Variants in MYT1 observed in about 807,000 individuals in gnomAD.
The protein encoded by MYT1 is myelin transcription factor 1, also known as myelin transcription factor I.
MYT1 carries 23 observed loss-of-function variants against 123.0 expected under a neutral mutation model. The observed-to-expected ratio is 0.19, with a 90% CI of 0.13 to 0.26. The LOEUF (loss-of-function observed/expected upper bound fraction) is 0.26, where lower values mean the gene tolerates loss of function less well. Ranked by LOEUF, MYT1 falls within the 10% of genes least tolerant of loss-of-function variation. The pLI, the probability that MYT1 is intolerant of heterozygous loss-of-function variation, is 1.00. For synonymous variants in MYT1, 518 were observed against 575.3 expected (o/e 0.90, Z 1.43); for missense variants, 1,125 against 1,472.5 (o/e 0.76, Z 3.86).
At chr20:64,195,354 C>CTG (rs5741790) in intron 2 of MYT1, among the ~76,000 whole-genome samples, 7,189 of 98,550 alleles carry the variant, frequency 0.073, 314 homozygotes, top group Middle Eastern at 0.1. Flanking sequence ...ATGGTGAGAA[C>CTG]TGTGTGTGTG....
chr20:64,214,661 C>T (rs866642141), intron 10 of MYT1, among the ~76,000 whole-genome samples: 2 of 152,220 alleles, frequency 1.3e-5, no homozygotes, highest in Non-Finnish European at 2.9e-5. Context: ...TCCCCACTCC[C>T]GTGAGGAACT....
intron 1 of MYT1, among the ~76,000 whole-genome samples, chr20:64,184,020 A>C (rs1010352746): frequency 6.6e-6 from 1 of 152,078 alleles, no homozygotes; most frequent in Non-Finnish European, 1.5e-5. Flanking sequence ...GGGCTTCACC[A>C]TGCTGGCCAG....
intron 1 of MYT1, among the ~76,000 whole-genome samples, chr20:64,172,695 G>A (rs1178694161): frequency 6.6e-6 from 1 of 151,710 alleles, no homozygotes; most frequent in African/African-American, 2.4e-5. Context: ...AAGATCCATG[G>A]GGAAGACGCC....
intron 10 of MYT1, among the ~76,000 whole-genome samples, chr20:64,215,797 C>G (rs1454600722): frequency 1.3e-5 from 2 of 150,042 alleles, no homozygotes; most frequent in African/African-American, 2.5e-5. Context: ...GAGGGTCTCA[C>G]TAGGTTGCCC....
Position 64,168,327 on chromosome 20 carries a change from T to C in MYT1, c.-99+3588T>C, listed in dbSNP as rs443252. Among the ~76,000 whole-genome samples, 148,275 of 152,348 alleles carry C rather than the reference T, an allele frequency of 0.97. 72,199 individuals are homozygous for C. The highest frequency in any genetic ancestry group is 1 in the East Asian group (5,194 of 5,194). ...GTTACTGGAACTAACCAGATACAAGTGTGGAGTCTTTTCTCCCCAGGGTTA... is the reference window on the plus strand; with the variant it reads ...GTTACTGGAACTAACCAGATACAAGCGTGGAGTCTTTTCTCCCCAGGGTTA... On this transcript the variant is annotated intron_variant, in intron 1 of 22. Coordinates refer to ENST00000328439, the MANE Select transcript of MYT1 (RefSeq NM_004535.3). The surrounding 1 kb of genome is among the most constrained non-coding windows in gnomAD (Gnocchi z 6.1).
Position 64,212,796 on chromosome 20 carries a change from AG to A in MYT1, c.1517+664del, listed in dbSNP as rs1006849997. 1.2e-4 allele frequency among the ~76,000 whole-genome samples: 18 copies of A among 151,464 alleles called. No homozygotes were observed. The highest frequency in any genetic ancestry group is 4.4e-5 in the Non-Finnish European group (3 of 67,860). ...AGTTGTTGACTGGTCTTCTATGGTG[AG>A]GGGGGACTACTCCTCCAGCCTTACC... On this transcript the variant is annotated intron_variant, in intron 9 of 22. Transcript: ENST00000328439. This position sits in a 1 kb window ranked among gnomAD's most constrained non-coding sequence, Gnocchi z 6.8.
rs578065956 is a variant in MYT1 at position 64,191,144 on chromosome 20, A to G, written c.-1+984A>G. On this transcript the variant is annotated intron_variant, in intron 2 of 22. Transcript: ENST00000328439. This position sits in a 1 kb window ranked among gnomAD's most constrained non-coding sequence, Gnocchi z 4.1. ...AGGCTGAGAATCCCTACAGGATCTG[A>G]CAGCAGAGATTGCTGGCAGGAGCTT... is the stretch of plus-strand genomic sequence containing the variant. Among the ~76,000 whole-genome samples, 1 of 152,330 alleles carries G rather than the reference A, an allele frequency of 6.6e-6. No homozygotes were observed. Among genetic ancestry groups the G allele is most frequent in the African/African-American group, 2.4e-5 (1 of 41,576 alleles).
intron 1 of MYT1, among the ~76,000 whole-genome samples, chr20:64,184,390 T>C (rs1213515326): frequency 6.6e-6 from 1 of 152,088 alleles, no homozygotes; most frequent in Non-Finnish European, 1.5e-5. Context: ...GACAGTTTTT[T>C]TCCCATTAAA....
chr20:64,228,616 C>T (rs1984237763), intron 18 of MYT1, among the ~76,000 whole-genome samples: 2 of 152,286 alleles, frequency 1.3e-5, no homozygotes, highest in South Asian at 2.1e-4. Context: ...TGAACCCTGA[C>T]TCTGTGTGTT....
chr20:64,216,441 T>A (rs572333386), intron 10 of MYT1, among the ~76,000 whole-genome samples: 195 of 152,350 alleles, frequency 1.3e-3, no homozygotes, highest in African/African-American at 4.5e-3. Context: ...TTGCAGTAGC[T>A]TTTTCGTGGC....
At chr20:64,195,370 GTGTGTGTGT>G in intron 2 of MYT1, among the ~76,000 whole-genome samples, 1 of 101,656 alleles carries the variant, frequency 9.8e-6, no homozygotes, top group African/African-American at 4.0e-5. Flanking sequence ...GTGTGTGTGT[GTGTGTGTGT>G]GTGTGTGTGT....
intron 1 of MYT1, among the ~76,000 whole-genome samples, chr20:64,172,741 C>CTTTTTTTTTTTTT (rs33943131): frequency 1.0e-5 from 1 of 95,548 alleles, no homozygotes; most frequent in Non-Finnish European, 2.0e-5. Flanking sequence ...GCCATACCCT[C>CTTTTTTTTTTTTT]TTTTTTTTTT....
At position 64,166,159 on chromosome 20, in the gene MYT1, A is replaced by G. The variant is rs1024759199; in HGVS notation, c.-99+1420A>G. 7.9e-5 allele frequency among the ~76,000 whole-genome samples: 12 copies of G among 152,320 alleles called. No individual in the cohort carries two copies. Among genetic ancestry groups the G allele is most frequent in the African/African-American group, 2.9e-4 (12 of 41,572 alleles). On this transcript the variant is annotated intron_variant, in intron 1 of 22. Transcript: ENST00000328439. This position sits in a 1 kb window ranked among gnomAD's most constrained non-coding sequence, Gnocchi z 4.9. ...ATATGGCCCTGTTAATTAACGGTAAACAAAAGAGTAAGAGAGCAGGGATTG... is the reference window on the plus strand; with the variant it reads ...ATATGGCCCTGTTAATTAACGGTAAGCAAAAGAGTAAGAGAGCAGGGATTG...
At position 64,219,930 on chromosome 20, in the gene MYT1, G is replaced by A. The variant is rs372769741; in HGVS notation, c.2189G>A (p.Arg730Gln). ...SQASRQDEWD[R>Q]PLDYTKPSRL... ...GCCTCCCGCCAGGACGAGTGGGACC[G>A]GCCCCTGGACTACACCAAGCCTAGC... The change falls in exon 13 of 23, where the codon CGG becomes CAG. Residue 730 changes from arginine to glutamine, a missense_variant. Transcript: ENST00000328439. 1.0e-4 allele frequency: 160 copies of A among 1,554,940 alleles called. 1 individual carries two copies. The highest frequency in any genetic ancestry group is 1.9e-4 in the East Asian group (8 of 41,208).
At chr20:64,211,580 C>T (rs926744275) in intron 8 of MYT1, among the ~76,000 whole-genome samples, 7 of 152,332 alleles carry the variant, frequency 4.6e-5, no homozygotes, top group South Asian at 2.1e-4. Context: ...GACGCCAGTC[C>T]GGGTCAGAGC....
chr20:64,214,283 G>A (rs916152653), intron 10 of MYT1, among the ~76,000 whole-genome samples: 3 of 151,934 alleles, frequency 2.0e-5, no homozygotes, highest in African/African-American at 2.4e-5. Flanking sequence ...TTACATGTGC[G>A]TGCAAGTCCA....
At position 64,213,689 on chromosome 20, in the gene MYT1, A is replaced by C. The variant is rs1568713510; in HGVS notation, c.1631+42A>C. 4 of 1,543,698 alleles carry C rather than the reference A, an allele frequency of 2.6e-6. No individual in the cohort carries two copies. The highest frequency in any genetic ancestry group is 1.7e-5 in the Admixed American group (1 of 59,562). On this transcript the variant is annotated intron_variant, in intron 10 of 22. Coordinates refer to ENST00000328439, the MANE Select transcript of MYT1 (RefSeq NM_004535.3). This position sits in a 1 kb window ranked among gnomAD's most constrained non-coding sequence, Gnocchi z 5.6. ...ACAGAACTGAAGAGGCTGCCTCCCA[A>C]ATGCCTGCAGAGGGCTTCTCAGTCT...
intron 6 of MYT1, among the ~76,000 whole-genome samples, chr20:64,206,751 C>A (rs1047558221): frequency 6.6e-6 from 1 of 152,184 alleles, no homozygotes; most frequent in African/African-American, 2.4e-5. Context: ...TCAAGAAGGG[C>A]GTCTGGGGTT....
chr20:64,218,453 G>A lies in MYT1; in HGVS notation c.1847-458G>A, dbSNP rs1276579398. ...TATGGGTACACCCTTTTGAGATCAT[G>A]GGACAAAATTTTCCTATTTGGGCGA... On this transcript the variant is annotated intron_variant, in intron 11 of 22. Coordinates refer to ENST00000328439, the MANE Select transcript of MYT1 (RefSeq NM_004535.3). This position sits in a 1 kb window ranked among gnomAD's most constrained non-coding sequence, Gnocchi z 4.0. Among the ~76,000 whole-genome samples, 2 of 152,170 alleles carry A rather than the reference G, an allele frequency of 1.3e-5. No individual in the cohort carries two copies. Among genetic ancestry groups the A allele is most frequent in the Non-Finnish European group, 2.9e-5 (2 of 68,040 alleles).
Sources: allele counts gnomAD v4.1 joint callset (sites outside exome capture counted in the v4.1 genomes callset), GRCh38; gene constraint gnomAD v4.1.1; non-coding constraint Gnocchi (gnomAD v3.1); transcripts MANE v1.5; gene names NCBI Gene and HGNC (gene_info 2026-07-23, HGNC 2026-07-21).